The following RANBP17 variants were observed in gnomAD, a reference collection of about 807,000 sequenced individuals.
RANBP17 encodes RAN binding protein 17.
Under a neutral mutation model 141.2 loss-of-function variants are expected in RANBP17, and 158 were observed. The observed-to-expected ratio is 1.12, with a 90% CI of 0.98 to 1.28. The LOEUF is 1.28. Ranked by LOEUF, RANBP17 falls within the 50% of genes most tolerant of loss-of-function variation. RANBP17 has a pLI of 0.00. For missense variants in RANBP17, 1,438 were observed against 1,290.7 expected, an observed-to-expected ratio of 1.11 and a Z score of -1.75; for synonymous variants, 430 against 450.0, an observed-to-expected ratio of 0.96 and a Z score of 0.56.
chr5:170,981,695 A>G (rs1345356081), intron 14 of RANBP17, among the ~76,000 whole-genome samples: 1 of 152,132 alleles, frequency 6.6e-6, no homozygotes, highest in Non-Finnish European at 1.5e-5. Context: ...ACCCAGTCTC[A>G]GGTATGTCTT....
At chr5:171,128,381 G>T (rs1756654450) in intron 14 of RANBP17, among the ~76,000 whole-genome samples, 1 of 152,036 alleles carries the variant, frequency 6.6e-6, no homozygotes, top group African/African-American at 2.4e-5. Flanking sequence ...TGAAACTGGA[G>T]GTCATTATAT....
chr5:171,101,403 A>G (rs747343063), intron 14 of RANBP17, among the ~76,000 whole-genome samples: 1 of 152,096 alleles, frequency 6.6e-6, no homozygotes, highest in African/African-American at 2.4e-5. Context: ...TGTTTTATCA[A>G]GGGCGAAGAT....
intron 14 of RANBP17, among the ~76,000 whole-genome samples, chr5:171,029,984 C>T (rs1285935902): frequency 6.6e-6 from 1 of 152,054 alleles, no homozygotes; most frequent in Non-Finnish European, 1.5e-5. Flanking sequence ...CTCTGACTTT[C>T]ACCCACACAT....
intron 12 of RANBP17, among the ~76,000 whole-genome samples, chr5:170,931,334 G>A (rs1385657516): frequency 6.6e-6 from 1 of 152,164 alleles, no homozygotes; most frequent in African/African-American, 2.4e-5. Context: ...TGGGTAGATT[G>A]TAAAAATTTT....
intron 14 of RANBP17, among the ~76,000 whole-genome samples, chr5:171,137,500 G>C (rs2127800593): frequency 6.6e-6 from 1 of 151,440 alleles, no homozygotes; most frequent in South Asian, 2.1e-4. Context: ...ATATTTCTTA[G>C]TGGTCCCTGT....
chr5:171,158,897 C>T (rs955511481), intron 14 of RANBP17, among the ~76,000 whole-genome samples: 2 of 152,112 alleles, frequency 1.3e-5, no homozygotes, highest in Admixed American at 1.3e-4. Context: ...GGGGTTAAAA[C>T]ATTATCCATG....
chr5:171,190,583 T>C (rs1358287094), intron 18 of RANBP17, among the ~76,000 whole-genome samples: 1 of 152,092 alleles, frequency 6.6e-6, no homozygotes, highest in Non-Finnish European at 1.5e-5. Flanking sequence ...CTTCCAAGAA[T>C]CACTTCAAGT....
intron 27 of RANBP17, among the ~76,000 whole-genome samples, chr5:171,298,256 G>A: frequency 6.6e-6 from 1 of 152,146 alleles, no homozygotes; most frequent in Non-Finnish European, 1.5e-5. Flanking sequence ...CTCATAAGTG[G>A]TAGAGCTAGG....
intron 13 of RANBP17, among the ~76,000 whole-genome samples, chr5:170,955,652 A>G (rs1353646483): frequency 0.051 from 1,693 of 32,890 alleles, 302 homozygotes; most frequent in Middle Eastern, 0.091. Context: ...CTCAGTGTAT[A>G]TATATATATA....
At position 171,073,222 on chromosome 5, in the gene RANBP17, TGAATC is replaced by T. The variant is rs374063150; in HGVS notation, c.1711-96907_1711-96903del. On this transcript the variant is annotated intron_variant, in intron 14 of 27. Coordinates refer to ENST00000523189, the MANE Select transcript of RANBP17 (RefSeq NM_022897.5). The stretch of plus-strand genomic sequence containing the variant: ...AGGATGAAATGGAAACTATAACTGA[TGAATC>T]TAACTATATTATAAATGCATGACAT... 4.1e-4 allele frequency among the ~76,000 whole-genome samples: 62 copies of T among 152,172 alleles called. 1 individual carries two copies. The South Asian group carries it at 0.012, about 31-fold the overall frequency.
intron 14 of RANBP17, among the ~76,000 whole-genome samples, chr5:171,130,003 A>G (rs1178309316): frequency 6.6e-6 from 1 of 152,220 alleles, no homozygotes. Flanking sequence ...TTGCAAATCT[A>G]TTTGGTGTCA....
At chr5:171,298,710 A>G in intron 27 of RANBP17, 52 bp from the exon 28 acceptor site, 1 of 1,439,948 alleles carries the variant, frequency 6.9e-7, no homozygotes, top group Non-Finnish European at 9.8e-7. Context: ...CCAGAAATTC[A>G]TGGAGGCTTT....
At chr5:171,095,919 A>G (rs1438038112) in intron 14 of RANBP17, among the ~76,000 whole-genome samples, 1 of 152,104 alleles carries the variant, frequency 6.6e-6, no homozygotes, top group African/African-American at 2.4e-5. Flanking sequence ...ATGCCCTTAA[A>G]ATAAAGGAAG....
chr5:170,972,131 C>T (rs533316205), intron 14 of RANBP17, among the ~76,000 whole-genome samples: 2 of 150,430 alleles, frequency 1.3e-5, no homozygotes, highest in African/African-American at 4.9e-5. Flanking sequence ...AAACACAGCA[C>T]TGTTAACTTT....
intron 11 of RANBP17, among the ~76,000 whole-genome samples, chr5:170,922,593 T>G (rs1455562583): frequency 6.6e-6 from 1 of 152,142 alleles, no homozygotes; most frequent in African/African-American, 2.4e-5. Flanking sequence ...TAGCAGTGAG[T>G]TACGGCTCCG....
intron 14 of RANBP17, among the ~76,000 whole-genome samples, chr5:170,969,586 A>G (rs1776842173): frequency 6.6e-6 from 1 of 152,048 alleles, no homozygotes; most frequent in South Asian, 2.1e-4. Context: ...TATTGCTAAT[A>G]CAGTATCCAT....
At chr5:171,241,604 T>A (rs1764883915) in intron 23 of RANBP17, among the ~76,000 whole-genome samples, 1 of 152,178 alleles carries the variant, frequency 6.6e-6, no homozygotes, top group South Asian at 2.1e-4. Flanking sequence ...AATGGAATGA[T>A]CATTGAAGGA....
At chr5:170,944,756 A>G (rs1581206925) in intron 12 of RANBP17, among the ~76,000 whole-genome samples, 1 of 152,182 alleles carries the variant, frequency 6.6e-6, no homozygotes, top group African/African-American at 2.4e-5. Context: ...TTCAAAATTT[A>G]CTGTAATTTT....
chr5:171,260,554 A>G (rs1766242075), intron 24 of RANBP17, among the ~76,000 whole-genome samples: 1 of 152,022 alleles, frequency 6.6e-6, no homozygotes, highest in Non-Finnish European at 1.5e-5. Flanking sequence ...AAAAGGTACA[A>G]ACATGGTAAG....
Sources: allele counts gnomAD v4.1 joint callset (sites outside exome capture counted in the v4.1 genomes callset), GRCh38; gene constraint gnomAD v4.1.1; transcripts MANE v1.5; gene names NCBI Gene and HGNC (gene_info 2026-07-23, HGNC 2026-07-21).